ARMC8: variants seen among roughly 807,000 people sequenced by gnomAD.
The protein encoded by ARMC8 is armadillo repeat containing 8.
A neutral mutation model predicts 99.3 loss-of-function variants in ARMC8; 20 were observed. The observed-to-expected ratio is 0.20, with a 90% CI of 0.14 to 0.29. ARMC8 has a LOEUF of 0.29. Among genes scored for constraint, ARMC8 ranks in the 10% least tolerant of loss-of-function variants. The pLI, the probability that ARMC8 is intolerant of heterozygous loss-of-function variation, is 1.00. For synonymous variants in ARMC8, 263 were observed against 278.3 expected (o/e 0.95, Z 0.55); for missense variants, 569 against 809.5 (o/e 0.70, Z 3.60).
At chr3:138,283,074 C>T (rs947124036) in intron 18 of ARMC8, among the ~76,000 whole-genome samples, 1 of 152,164 alleles carries the variant, frequency 6.6e-6, no homozygotes, top group African/African-American at 2.4e-5. Flanking sequence ...TAAATAGTTC[C>T]CCAGTGTTTG....
chr3:138,256,709 C>CT (rs1370537834), intron 12 of ARMC8, among the ~76,000 whole-genome samples: 1 of 152,072 alleles, frequency 6.6e-6, no homozygotes, highest in Admixed American at 6.5e-5. Flanking sequence ...CGCGCCCGGC[C>CT]TTTTTTTCCT....
chr3:138,216,787 C>G (rs745603791), intron 2 of ARMC8, among the ~76,000 whole-genome samples: 12 of 152,130 alleles, frequency 7.9e-5, no homozygotes, highest in Non-Finnish European at 1.6e-4. Context: ...TTGGCTACTT[C>G]ATACTAATTA....
chr3:138,271,798 C>CTTTTTTTTTTTTTTTTTTTTTTTTTTTT (rs776320900), intron 16 of ARMC8, among the ~76,000 whole-genome samples: 3 of 136,134 alleles, frequency 2.2e-5, no homozygotes, highest in African/African-American at 8.5e-5. Flanking sequence ...TTTTTTCTTT[C>CTTTTTTTTTTTTTTTTTTTTTTTTTTTT]TTTTTTTTTT....
chr3:138,290,220 T>C (rs756604372), intron 20 of ARMC8, among the ~76,000 whole-genome samples: 34 of 152,032 alleles, frequency 2.2e-4, no homozygotes, highest in Non-Finnish European at 4.7e-4. Flanking sequence ...CTGAAAGAAG[T>C]GGTGAAGCTG....
chr3:138,272,795 C>T (rs1252591401), intron 16 of ARMC8, among the ~76,000 whole-genome samples, 172 bp from the exon 17 acceptor site: 1 of 152,114 alleles, frequency 6.6e-6, no homozygotes, highest in Admixed American at 6.5e-5. Flanking sequence ...TTGCTTGAAC[C>T]CGGGAGGCAG....
chr3:138,214,648 A>G (rs1204857025), intron 2 of ARMC8, among the ~76,000 whole-genome samples: 1 of 152,156 alleles, frequency 6.6e-6, no homozygotes, highest in Non-Finnish European at 1.5e-5. Flanking sequence ...CTCCTAATAC[A>G]TTTAATCAGT....
rs71146121 is a variant in ARMC8, at chr3:138,256,402, C to CTTTTTTTTTTTT, written c.1135-7323_1135-7312dup. 4.8e-4 allele frequency among the ~76,000 whole-genome samples: 43 copies of CTTTTTTTTTTTT among 90,278 alleles called. 1 individual carries two copies. The highest frequency in any genetic ancestry group is 1.5e-3 in the African/African-American group (33 of 22,050). 59.2% of individuals were successfully genotyped at this position (90,278 alleles called of 152,430 possible). On this transcript the variant is annotated intron_variant, in intron 12 of 21. Coordinates refer to ENST00000469044, the MANE Select transcript of ARMC8 (RefSeq NM_001363941.2). ...TAAAGTATATCTTTTTTTCCTCCTT[C>CTTTTTTTTTTTT]TTTTTTTTTTTTTTTTTTTTTTTTT...
intron 12 of ARMC8, among the ~76,000 whole-genome samples, chr3:138,249,637 T>C (rs2047035824): frequency 6.6e-6 from 1 of 152,100 alleles, no homozygotes; most frequent in Admixed American, 6.5e-5. Flanking sequence ...TATACTGATA[T>C]AAAGTATTTT....
intron 1 of ARMC8, 41 bp from the exon 2 acceptor site, chr3:138,209,776 G>A (rs1413971922): frequency 6.5e-7 from 1 of 1,548,278 alleles, no homozygotes; most frequent in Non-Finnish European, 8.9e-7. Flanking sequence ...TTTGTGATTT[G>A]CATGGCTTCA....
chr3:138,256,402 C>CTTTTTTTTTTTTTTTTT (rs71146121), intron 12 of ARMC8, among the ~76,000 whole-genome samples: 5 of 90,302 alleles, frequency 5.5e-5, no homozygotes, highest in African/African-American at 2.3e-4. Context: ...TTTCCTCCTT[C>CTTTTTTTTTTTTTTTTT]TTTTTTTTTT....
chr3:138,192,625 A>G (rs1305824675), intron 1 of ARMC8, among the ~76,000 whole-genome samples: 1 of 151,972 alleles, frequency 6.6e-6, no homozygotes, highest in Non-Finnish European at 1.5e-5. Context: ...ATCTCAGTTC[A>G]CTGCAACCTC....
At chr3:138,235,789 C>A (rs913013759) in intron 7 of ARMC8, among the ~76,000 whole-genome samples, 4 of 147,028 alleles carry the variant, frequency 2.7e-5, no homozygotes, top group Middle Eastern at 3.6e-3. Flanking sequence ...TCCATTCTGT[C>A]CTTTTAGTCT....
At chr3:138,285,352 T>G (rs1467477299) in intron 19 of ARMC8, among the ~76,000 whole-genome samples, 1 of 152,198 alleles carries the variant, frequency 6.6e-6, no homozygotes, top group East Asian at 1.9e-4. Flanking sequence ...TTGAATAAAG[T>G]TCGTATGCCT....
intron 16 of ARMC8, 88 bp from the exon 17 acceptor site, chr3:138,272,879 T>TA (rs1394576770): frequency 2.4e-4 from 288 of 1,193,126 alleles, no homozygotes; most frequent in Admixed American, 4.4e-4. Context: ...CTCAAAAAAA[T>TA]AAAAAAAAAT....
intron 1 of ARMC8, among the ~76,000 whole-genome samples, chr3:138,206,092 C>T (rs2044358407): frequency 6.6e-6 from 1 of 152,124 alleles, no homozygotes; most frequent in Non-Finnish European, 1.5e-5. Flanking sequence ...GCAAAAATAG[C>T]AAGTCTTCAG....
At chr3:138,205,888 A>G (rs2044347293) in intron 1 of ARMC8, among the ~76,000 whole-genome samples, 1 of 152,252 alleles carries the variant, frequency 6.6e-6, no homozygotes, top group Non-Finnish European at 1.5e-5. Flanking sequence ...AATCCTAACA[A>G]TGACCAACAA....
chr3:138,232,531 TG>T (rs2046106361), intron 6 of ARMC8, among the ~76,000 whole-genome samples: 2 of 152,154 alleles, frequency 1.3e-5, no homozygotes, highest in Admixed American at 6.5e-5. Context: ...TACAAGCACA[TG>T]GGTATACACT....
intron 19 of ARMC8, 71 bp downstream of exon 19, chr3:138,284,597 T>A (rs999015081): frequency 7.2e-5 from 82 of 1,133,128 alleles, no homozygotes; most frequent in Non-Finnish European, 1.0e-4. Context: ...CAAAATAAAT[T>A]GTGCAGAGAT....
chr3:138,292,613 G>A (rs1158485831), intron 21 of ARMC8, among the ~76,000 whole-genome samples: 1 of 152,176 alleles, frequency 6.6e-6, no homozygotes, highest in African/African-American at 2.4e-5. Context: ...GACAGAGGGT[G>A]TTGCCATATA....
Sources: gnomAD v4.1 joint callset for allele counts (sites outside exome capture counted in the v4.1 genomes callset) on GRCh38, gnomAD v4.1.1 for gene constraint, MANE v1.5 for transcripts, NCBI Gene and HGNC (gene_info 2026-07-23, HGNC 2026-07-21) for gene names.